NDNF: variants seen among roughly 807,000 people sequenced by gnomAD.
The protein encoded by NDNF is protein NDNF.
Under a neutral mutation model 42.0 loss-of-function variants are expected in NDNF, and 16 were observed. That is an observed-to-expected ratio of 0.38 (90% CI 0.26 to 0.58). The LOEUF (loss-of-function observed/expected upper bound fraction) is 0.58, where lower values mean the gene tolerates loss of function less well. NDNF is among the 20% of genes least tolerant of loss of function. The probability of loss-of-function intolerance (pLI) is 0.67; values close to 1 mark genes in which losing one functional copy is unlikely to be tolerated. For synonymous variants in NDNF, 248 were observed against 251.7 expected, an observed-to-expected ratio of 0.99 and a Z score of 0.14; for missense variants, 616 against 666.2, an observed-to-expected ratio of 0.92 and a Z score of 0.83.
chr4:121,051,658 A>T (rs1475254311), intron 1 of NDNF, among the ~76,000 whole-genome samples: 1 of 152,190 alleles, frequency 6.6e-6, no homozygotes, highest in African/African-American at 2.4e-5. Flanking sequence ...ATTTATCTGC[A>T]ATTACATAAG....
intron 1 of NDNF, among the ~76,000 whole-genome samples, chr4:121,048,828 C>T (rs1367426705): frequency 6.6e-6 from 1 of 151,410 alleles, no homozygotes. Context: ...ACAGAGCCTC[C>T]GTCTCAAAAA....
intron 1 of NDNF, among the ~76,000 whole-genome samples, chr4:121,052,764 C>G (rs1560607168): frequency 6.6e-6 from 1 of 152,200 alleles, no homozygotes; most frequent in East Asian, 1.9e-4. Context: ...ATGCAGCAAT[C>G]AAAAGTTGAA....
rs117575280 is a variant in NDNF, at chr4:121,068,283, T to C, written c.-2+3710A>G. ...ATACAGTGGAAAAATACAGCAGAAT[T>C]TATCCTAACTTCAGGGAATAAAATG... is the stretch of plus-strand genomic sequence containing the variant. On this transcript the variant is annotated intron_variant, in intron 1 of 3. Coordinates refer to ENST00000379692, the MANE Select transcript of NDNF (RefSeq NM_024574.4). 1.8e-3 allele frequency among the ~76,000 whole-genome samples: 270 copies of C among 152,322 alleles called. 11 individuals carry two copies. The East Asian group carries it at 0.043, about 24-fold the overall frequency.
intron 1 of NDNF, chr4:121,071,365 C>G (rs1337885701): frequency 6.6e-6 from 1 of 152,296 alleles, no homozygotes; most frequent in African/African-American, 2.4e-5. Context: ...AAATGAGGAG[C>G]CAGAGCGGTT....
chr4:121,039,143 G>A lies in NDNF; in HGVS notation c.313+787C>T, dbSNP rs1281433993. Among the ~76,000 whole-genome samples, 116 of 37,698 alleles carry A rather than the reference G, an allele frequency of 3.1e-3. 4 individuals are homozygous for A. The highest frequency in any genetic ancestry group is 0.011 in the Non-Finnish European group (104 of 9,876). 24.7% of individuals were successfully genotyped at this position (37,698 alleles called of 152,430 possible). A position where few individuals can be genotyped will look rare whatever the true frequency, so the allele number is the denominator to read the frequency against. The stretch of plus-strand genomic sequence containing the variant: ...TACGTATACATAGTTATATATATAT[G>A]TGTATATATATATGTATATATATAT... On this transcript the variant is annotated intron_variant, in intron 3 of 3. Coordinates refer to ENST00000379692, the MANE Select transcript of NDNF (RefSeq NM_024574.4).
chr4:121,048,804 C>T (rs916215469), intron 1 of NDNF, among the ~76,000 whole-genome samples: 1 of 152,068 alleles, frequency 6.6e-6, no homozygotes, highest in African/African-American at 2.4e-5. Context: ...CGCCACTGCA[C>T]TCCAGCATGG....
At chr4:121,069,504 T>A (rs907572767) in intron 1 of NDNF, among the ~76,000 whole-genome samples, 1 of 152,256 alleles carries the variant, frequency 6.6e-6, no homozygotes, top group African/African-American at 2.4e-5. Flanking sequence ...TTAGGCCTAT[T>A]ACAGAGTTCT....
At chr4:121,037,884 A>C in intron 3 of NDNF, 1 of 391,160 alleles carries the variant, frequency 2.6e-6, no homozygotes, top group African/African-American at 2.1e-5. Context: ...TTCAGAGCAG[A>C]ATCCAATTAG....
intron 2 of NDNF, among the ~76,000 whole-genome samples, chr4:121,045,220 A>T (rs537125530): frequency 6.6e-6 from 1 of 152,062 alleles, no homozygotes; most frequent in Non-Finnish European, 1.5e-5. Context: ...GGCGTGGTGG[A>T]GGACGCCTGT....
intron 1 of NDNF, among the ~76,000 whole-genome samples, chr4:121,062,644 G>A (rs974831142): frequency 6.6e-6 from 1 of 152,196 alleles, no homozygotes; most frequent in African/African-American, 2.4e-5. Flanking sequence ...CCACAATTAT[G>A]TAATCCTTTC....
At chr4:121,056,433 A>G (rs1179206145) in intron 1 of NDNF, among the ~76,000 whole-genome samples, 1 of 152,230 alleles carries the variant, frequency 6.6e-6, no homozygotes, top group African/African-American at 2.4e-5. Flanking sequence ...ACATTTTGCA[A>G]TACACATGTT....
At chr4:121,042,734 G>C (rs1727019590) in intron 2 of NDNF, among the ~76,000 whole-genome samples, 1 of 152,178 alleles carries the variant, frequency 6.6e-6, no homozygotes, top group African/African-American at 2.4e-5. Context: ...ATAAGTAAAA[G>C]AGTGTTCAAA....
intron 1 of NDNF, among the ~76,000 whole-genome samples, chr4:121,054,764 A>T (rs1727255334): frequency 6.6e-6 from 1 of 152,208 alleles, no homozygotes; most frequent in Non-Finnish European, 1.5e-5. Context: ...ACCAAGTGCC[A>T]ATCACATAGA....
At chr4:121,043,183 T>A (rs1444912291) in intron 2 of NDNF, among the ~76,000 whole-genome samples, 1 of 152,194 alleles carries the variant, frequency 6.6e-6, no homozygotes, top group Non-Finnish European at 1.5e-5. Flanking sequence ...AATTAATAAC[T>A]AAGGAAACAT....
At chr4:121,061,976 T>C (rs1487152305) in intron 1 of NDNF, among the ~76,000 whole-genome samples, 2 of 152,236 alleles carry the variant, frequency 1.3e-5, no homozygotes, top group Admixed American at 6.5e-5. Context: ...TTGATATGAA[T>C]GTTCTTTTAA....
intron 1 of NDNF, among the ~76,000 whole-genome samples, chr4:121,060,707 A>T (rs1270647431): frequency 6.6e-6 from 1 of 152,192 alleles, no homozygotes; most frequent in African/African-American, 2.4e-5. Context: ...TAATAAATTG[A>T]ATAGAGTAAA....
At chr4:121,041,160 T>A (rs771782941) in intron 2 of NDNF, among the ~76,000 whole-genome samples, 1 of 152,204 alleles carries the variant, frequency 6.6e-6, no homozygotes, top group African/African-American at 2.4e-5. Context: ...TTAAAAAGAA[T>A]AAAAATATTG....
chr4:121,068,580 A>G (rs1727538131), intron 1 of NDNF, among the ~76,000 whole-genome samples: 5 of 152,198 alleles, frequency 3.3e-5, no homozygotes, highest in African/African-American at 9.6e-5. Context: ...CTTTGACCCA[A>G]TACAGATGAC....
intron 1 of NDNF, among the ~76,000 whole-genome samples, chr4:121,058,616 C>A (rs1374767450): frequency 6.6e-6 from 1 of 152,174 alleles, no homozygotes; most frequent in Non-Finnish European, 1.5e-5. Context: ...GCAGCGCAAT[C>A]TTTCCAATTA....
Sources: gnomAD v4.1 joint callset for allele counts (sites outside exome capture counted in the v4.1 genomes callset) on GRCh38, gnomAD v4.1.1 for gene constraint, MANE v1.5 for transcripts, NCBI Gene and HGNC (gene_info 2026-07-23, HGNC 2026-07-21) for gene names.